Variants in KIF13B observed in about 807,000 individuals in gnomAD.
KIF13B encodes kinesin-like protein KIF13B.
A neutral mutation model predicts 222.0 loss-of-function variants in KIF13B; 127 were observed. The ratio of observed to expected loss-of-function variants is 0.57; its 90% CI spans 0.50 to 0.66. KIF13B has a LOEUF of 0.66. Ranked by LOEUF, KIF13B falls within the 30% of genes least tolerant of loss-of-function variation. The pLI is 0.00. For synonymous variants in KIF13B, 976 were observed against 919.0 expected (o/e 1.06, Z -1.12); for missense variants, 2,173 against 2,379.0 (o/e 0.91, Z 1.80).
intron 2 of KIF13B, among the ~76,000 whole-genome samples, chr8:29,205,862 C>T (rs1207021904): frequency 2.0e-5 from 3 of 151,558 alleles, no homozygotes; most frequent in Non-Finnish European, 4.4e-5. Flanking sequence ...GCGGGAGGAT[C>T]ACTTGATCCC....
intron 35 of KIF13B, among the ~76,000 whole-genome samples, chr8:29,107,345 CG>C (rs1809120739): frequency 6.6e-6 from 1 of 151,768 alleles, no homozygotes; most frequent in African/African-American, 2.4e-5. Flanking sequence ...CTGGCCAACA[CG>C]GTGAAACCCT....
chr8:29,169,826 T>C (rs565932211), intron 10 of KIF13B, among the ~76,000 whole-genome samples: 1 of 152,308 alleles, frequency 6.6e-6, no homozygotes, highest in East Asian at 1.9e-4. Context: ...TTCAATCTCA[T>C]CACCATTTGG....
At chr8:29,160,178 C>G (rs1371366300) in intron 13 of KIF13B, among the ~76,000 whole-genome samples, 1 of 152,208 alleles carries the variant, frequency 6.6e-6, no homozygotes, top group East Asian at 1.9e-4. Context: ...TCAGTGGATA[C>G]CAATATTTGT....
chr8:29,112,303 C>T (rs987356608), intron 32 of KIF13B, among the ~76,000 whole-genome samples: 4 of 151,810 alleles, frequency 2.6e-5, no homozygotes, highest in Non-Finnish European at 1.5e-5. Flanking sequence ...CGTGGTGGCA[C>T]GTGCCTGTAA....
intron 5 of KIF13B, 136 bp from the exon 6 acceptor site, chr8:29,186,608 A>T (rs17059753): frequency 3.1e-6 from 2 of 645,174 alleles, no homozygotes; most frequent in Non-Finnish European, 5.2e-6. Context: ...AATGAGAATA[A>T]TAAGTACAGA....
At chr8:29,110,094 T>C in intron 32 of KIF13B, 24 bp from the exon 33 acceptor site, 1 of 1,549,042 alleles carries the variant, frequency 6.5e-7, no homozygotes, top group South Asian at 1.2e-5. Context: ...AGTTATACAT[T>C]ATAAAAGCTT....
intron 2 of KIF13B, among the ~76,000 whole-genome samples, chr8:29,196,939 A>T (rs1170595685): frequency 6.6e-6 from 1 of 152,128 alleles, no homozygotes; most frequent in East Asian, 1.9e-4. Context: ...GTACTTACTG[A>T]ATTACTCACT....
intron 34 of KIF13B, 58 bp downstream of exon 34, chr8:29,109,376 A>G (rs1210277062): frequency 7.5e-7 from 1 of 1,337,440 alleles, no homozygotes; most frequent in African/African-American, 1.4e-5. Context: ...GTTACCCAAG[A>G]AAAGAGGAGA....
chr8:29,238,009 C>G (rs1238159698), intron 2 of KIF13B, among the ~76,000 whole-genome samples: 3 of 152,126 alleles, frequency 2.0e-5, no homozygotes. Flanking sequence ...TTAAAACATA[C>G]CACGTACTGT....
chr8:29,138,291 C>T (rs1810655320), intron 21 of KIF13B, among the ~76,000 whole-genome samples: 1 of 152,080 alleles, frequency 6.6e-6, no homozygotes, highest in South Asian at 2.1e-4. Context: ...GCTGAGATCA[C>T]ACCACTGTAC....
chr8:29,187,967 G>C (rs896919760), intron 5 of KIF13B, among the ~76,000 whole-genome samples: 1 of 152,106 alleles, frequency 6.6e-6, no homozygotes, highest in Non-Finnish European at 1.5e-5. Flanking sequence ...TCGCCGCCTG[G>C]CCCCAGCTTT....
chr8:29,132,247 C>CA (rs1202105932), intron 23 of KIF13B, 61 bp downstream of exon 23: 6 of 1,307,632 alleles, frequency 4.6e-6, no homozygotes, highest in East Asian at 2.8e-5. Context: ...GAGACTGTCT[C>CA]AAAAAACAAA....
intron 1 of KIF13B, among the ~76,000 whole-genome samples, chr8:29,255,854 G>C (rs1396579161): frequency 6.6e-6 from 1 of 151,980 alleles, no homozygotes; most frequent in Non-Finnish European, 1.5e-5. Context: ...TCACTCTTTT[G>C]ACACATTTTT....
chr8:29,071,702 G>C lies in KIF13B; in HGVS notation c.5136C>G (p.His1712Gln), dbSNP rs941581834. 1 of 1,551,636 alleles carries C rather than the reference G, an allele frequency of 6.4e-7. No homozygotes were observed. The highest frequency in any genetic ancestry group is 8.7e-7 in the Non-Finnish European group (1 of 1,147,546). ...REGEFVTVGA[H>Q]KTGVVRYVGP... Reference sequence around the variant, plus strand: ...CCACGTATCTCACCACGCCCGTTTTGTGGGCGCCCACGGTGACGAACTCGC... The same window carrying C: ...CCACGTATCTCACCACGCCCGTTTTCTGGGCGCCCACGGTGACGAACTCGC... Residue 1712 changes from histidine to glutamine, a missense_variant, in exon 39 of 40, where the codon CAC (histidine) becomes CAG (glutamine). Physicochemically the swap from His to Gln is conservative, Grantham distance 24 (BLOSUM62 0). Around this residue, in one of 2 missense-constraint regions of KIF13B, gnomAD observed 693 missense variants for 656.2 expected, o/e 1.06. Coordinates refer to ENST00000524189, the MANE Select transcript of KIF13B (RefSeq NM_015254.4). This position sits in a 1 kb window ranked among gnomAD's most constrained non-coding sequence, Gnocchi z 4.9.
At chr8:29,257,305 C>T (rs1340592174) in intron 1 of KIF13B, among the ~76,000 whole-genome samples, 1 of 151,774 alleles carries the variant, frequency 6.6e-6, no homozygotes, top group Non-Finnish European at 1.5e-5. Context: ...CTTCCCAGGT[C>T]ACAGGGCACA....
rs1295478832 is a variant in KIF13B at position 29,142,323 on chromosome 8, G to T, written c.2188-20C>A. The stretch of plus-strand genomic sequence containing the variant: ...GCCTCGCTGCAAAGAGAGTAAGAAT[G>T]ACCGTGAGAAACACACAGGCAGCGG... On this transcript the variant is annotated intron_variant, in intron 18 of 39. Transcript: ENST00000524189. The T allele has an allele frequency of 1.2e-6, 2 of 1,600,828 alleles. No individual in the cohort carries two copies. The highest frequency in any genetic ancestry group is 1.1e-5 in the South Asian group (1 of 89,526).
intron 29 of KIF13B, among the ~76,000 whole-genome samples, chr8:29,120,629 G>A (rs777671428): frequency 0.031 from 14 of 450 alleles, no homozygotes; most frequent in Admixed American, 0.054. Flanking sequence ...GAATAGTGCC[G>A]CAATAAACAT....
At chr8:29,129,646 CA>C (rs11418745) in intron 24 of KIF13B, among the ~76,000 whole-genome samples, 50,395 of 149,884 alleles carry the variant, frequency 0.34, 9,720 homozygotes, top group Non-Finnish European at 0.44. Flanking sequence ...TAAAGTATAG[CA>C]AAAAAAAAAA....
At chr8:29,076,200 A>C (rs778660224) in intron 37 of KIF13B, among the ~76,000 whole-genome samples, 1 of 152,196 alleles carries the variant, frequency 6.6e-6, no homozygotes, top group African/African-American at 2.4e-5. Context: ...TGCTCATCCC[A>C]GAAGAAGCTG....
Sources: gnomAD v4.1 joint callset for allele counts (sites outside exome capture counted in the v4.1 genomes callset) on GRCh38, gnomAD v4.1.1 for gene constraint, gnomAD v4.1.1 regional missense constraint, Gnocchi (gnomAD v3.1) non-coding constraint, MANE v1.5 for transcripts, NCBI Gene and HGNC (gene_info 2026-07-23, HGNC 2026-07-21) for gene names.